SPTLC2: variants seen among roughly 807,000 people sequenced by gnomAD.
SPTLC2 encodes the protein serine palmitoyltransferase 2.
Under a neutral mutation model 62.0 loss-of-function variants are expected in SPTLC2, and 21 were observed. The observed-to-expected ratio is 0.34, with a 90% CI of 0.24 to 0.49. The LOEUF is 0.49. SPTLC2 is among the 20% of genes least tolerant of loss of function. The pLI is 0.99. For synonymous variants in SPTLC2, 261 were observed against 261.8 expected, an observed-to-expected ratio of 1.00 and a Z score of 0.03; for missense variants, 511 against 713.0, an observed-to-expected ratio of 0.72 and a Z score of 3.23.
intron 1 of SPTLC2, among the ~76,000 whole-genome samples, chr14:77,615,823 G>A (rs529617190): frequency 6.6e-6 from 1 of 152,262 alleles, no homozygotes; most frequent in South Asian, 2.1e-4. Context: ...ATCCAACCTG[G>A]AGCCTGGGGT....
chr14:77,543,608 T>C (rs2079513268), intron 9 of SPTLC2, among the ~76,000 whole-genome samples: 1 of 152,102 alleles, frequency 6.6e-6, no homozygotes, highest in Non-Finnish European at 1.5e-5. Context: ...CTAAGTAATT[T>C]GAGGATTAAT....
intron 2 of SPTLC2, among the ~76,000 whole-genome samples, chr14:77,592,332 A>G (rs2079822601): frequency 6.6e-6 from 1 of 151,642 alleles, no homozygotes; most frequent in Non-Finnish European, 1.5e-5. Context: ...ATGGGGTTTC[A>G]TCACGTTGGC....
At chr14:77,614,902 TG>T (rs1566796555) in intron 1 of SPTLC2, among the ~76,000 whole-genome samples, 1 of 148,394 alleles carries the variant, frequency 6.7e-6, no homozygotes, top group African/African-American at 2.5e-5. Context: ...ACCCAGGGGG[TG>T]GAGGCTGCAG....
intron 4 of SPTLC2, among the ~76,000 whole-genome samples, chr14:77,573,490 A>C (rs7145694): frequency 1.3e-5 from 2 of 151,642 alleles, no homozygotes; most frequent in African/African-American, 2.4e-5. Flanking sequence ...AAATTTTTAC[A>C]AAGATTTTAA....
chr14:77,511,650 TGACCA>T lies in SPTLC2; in HGVS notation c.*629_*633del, dbSNP rs1221275691. 6.4e-6 allele frequency: 1 copy of T among 155,954 alleles called. No homozygotes were observed. Among genetic ancestry groups the T allele is most frequent in the African/African-American group, 2.4e-5 (1 of 41,454 alleles). The allele number at this position is 155,954 out of a possible 1,614,324, so 9.7% of individuals were successfully genotyped here. A position where few individuals can be genotyped will look rare whatever the true frequency, so the allele number is the denominator to read the frequency against. Reference sequence around the variant, plus strand: ...GATGGTAAAGGAAGAAATCATCTGGTGACCAGAAGAAAATGGAATAAGACCAAACC... The same window carrying T: ...GATGGTAAAGGAAGAAATCATCTGGTGAAGAAAATGGAATAAGACCAAACC... On this transcript the variant is annotated 3_prime_UTR_variant, in exon 12 of 12. Coordinates refer to ENST00000216484, the MANE Select transcript of SPTLC2 (RefSeq NM_004863.4).
At chr14:77,584,371 G>A (rs1004859282) in intron 2 of SPTLC2, among the ~76,000 whole-genome samples, 3 of 152,134 alleles carry the variant, frequency 2.0e-5, no homozygotes, top group African/African-American at 7.2e-5. Context: ...TAAAGATGAT[G>A]AATAATCACA....
intron 9 of SPTLC2, among the ~76,000 whole-genome samples, chr14:77,527,541 T>G (rs953159120): frequency 1.3e-5 from 2 of 152,236 alleles, no homozygotes; most frequent in African/African-American, 2.4e-5. Flanking sequence ...GGTGTACCAA[T>G]TGCTTTTCAG....
intron 9 of SPTLC2, among the ~76,000 whole-genome samples, chr14:77,541,595 TCTTTC>T (rs1281717231): frequency 6.6e-6 from 1 of 152,196 alleles, no homozygotes; most frequent in Non-Finnish European, 1.5e-5. Flanking sequence ...AAAGAAGCAG[TCTTTC>T]CTTTGCTCAT....
intron 4 of SPTLC2, among the ~76,000 whole-genome samples, chr14:77,574,737 G>C (rs994309875): frequency 1.3e-5 from 2 of 152,192 alleles, no homozygotes; most frequent in African/African-American, 4.8e-5. Flanking sequence ...AAGGAAGCCA[G>C]ACAGAAAAGA....
At chr14:77,537,804 G>T (rs55661384) in intron 9 of SPTLC2, among the ~76,000 whole-genome samples, 1 of 152,174 alleles carries the variant, frequency 6.6e-6, no homozygotes, top group Non-Finnish European at 1.5e-5. Flanking sequence ...CTTGTTCTGA[G>T]AATTTAATGA....
At chr14:77,526,697 T>C (rs1370868487) in intron 9 of SPTLC2, among the ~76,000 whole-genome samples, 1 of 152,176 alleles carries the variant, frequency 6.6e-6, no homozygotes, top group Non-Finnish European at 1.5e-5. Context: ...TAACAGGTCA[T>C]TTTTAGTCTT....
intron 9 of SPTLC2, among the ~76,000 whole-genome samples, chr14:77,533,164 G>A (rs1413310160): frequency 6.6e-6 from 1 of 152,098 alleles, no homozygotes; most frequent in Admixed American, 6.5e-5. Context: ...GCTGGGCGTG[G>A]TGGTGCACGC....
chr14:77,589,969 C>T (rs2079806757), intron 2 of SPTLC2, among the ~76,000 whole-genome samples: 1 of 138,332 alleles, frequency 7.2e-6, no homozygotes, highest in Non-Finnish European at 1.6e-5. Context: ...TAGAGCAAGA[C>T]CCTGTCTCAA....
In SPTLC2 at chr14:77,570,409, A is replaced by G. The variant is rs1339998137; in HGVS notation, c.731T>C (p.Met244Thr). The G allele has an allele frequency of 6.2e-7, 1 of 1,613,628 alleles. No homozygotes were observed. Among genetic ancestry groups the G allele is most frequent in the Non-Finnish European group, 8.5e-7 (1 of 1,179,990 alleles). Residue 244 changes from methionine to threonine, a missense_variant, in exon 5 of 12, where the codon ATG becomes ACG. Met to Thr is a moderately conservative substitution (Grantham distance 81, BLOSUM62 -1). Transcript: ENST00000216484. The stretch of plus-strand genomic sequence containing the variant: ...TTTGCCAACAAGAGCAGGAATGTTC[A>G]TTGAATTCGTTGCAAATCCCATGCC... ...AYGMGFATNS[M>T]NIPALVGKGC...
chr14:77,571,214 A>C (rs1471341648), intron 4 of SPTLC2, among the ~76,000 whole-genome samples: 2 of 152,192 alleles, frequency 1.3e-5, no homozygotes, highest in East Asian at 3.8e-4. Context: ...AAGATAGGTA[A>C]AAACGTTTCT....
intron 9 of SPTLC2, among the ~76,000 whole-genome samples, chr14:77,540,914 G>A (rs1214019656): frequency 6.6e-6 from 1 of 152,204 alleles, no homozygotes; most frequent in Non-Finnish European, 1.5e-5. Context: ...CTACAAATAT[G>A]CCATATATAA....
chr14:77,523,315 G>C (rs550743164), intron 9 of SPTLC2, among the ~76,000 whole-genome samples: 1 of 152,356 alleles, frequency 6.6e-6, no homozygotes, highest in East Asian at 1.9e-4. Flanking sequence ...GGGAATGCCA[G>C]ACTGTGCTGC....
At chr14:77,592,545 TA>T (rs2079823996) in intron 2 of SPTLC2, among the ~76,000 whole-genome samples, 1 of 152,224 alleles carries the variant, frequency 6.6e-6, no homozygotes, top group South Asian at 2.1e-4. Flanking sequence ...TATTGGGATA[TA>T]AACATATAAT....
At chr14:77,598,252 G>A (rs989895638) in intron 1 of SPTLC2, among the ~76,000 whole-genome samples, 1 of 152,084 alleles carries the variant, frequency 6.6e-6, no homozygotes, top group African/African-American at 2.4e-5. Flanking sequence ...AAAAGAAGGG[G>A]AGCAAGAAGG....
Sources: gnomAD v4.1 joint callset for allele counts (sites outside exome capture counted in the v4.1 genomes callset) on GRCh38, gnomAD v4.1.1 for gene constraint, MANE v1.5 for transcripts, NCBI Gene and HGNC (gene_info 2026-07-23, HGNC 2026-07-21) for gene names.